AZIN1: variants seen among roughly 807,000 people sequenced by gnomAD.
AZIN1 encodes antizyme inhibitor 1.
AZIN1 carries 12 observed loss-of-function variants against 47.4 expected under a neutral mutation model. The observed-to-expected ratio is 0.25, with a 90% confidence interval of 0.16 to 0.41. AZIN1 has a LOEUF of 0.41. Ranked by LOEUF, AZIN1 falls within the 10% of genes least tolerant of loss-of-function variation. The pLI, the probability that AZIN1 is intolerant of heterozygous loss-of-function variation, is 1.00. For synonymous variants in AZIN1, 155 were observed against 176.3 expected (o/e 0.88, Z 0.96); for missense variants, 410 against 532.4 (o/e 0.77, Z 2.26).
intron 5 of AZIN1, among the ~76,000 whole-genome samples, chr8:102,837,773 A>T (rs950968872): frequency 2.0e-5 from 3 of 152,250 alleles, no homozygotes; most frequent in Non-Finnish European, 1.5e-5. Context: ...TTATAGACAT[A>T]CAAAGAAAAT....
intron 2 of AZIN1, among the ~76,000 whole-genome samples, chr8:102,845,498 C>T (rs980841044): frequency 1.3e-5 from 2 of 152,158 alleles, no homozygotes; most frequent in African/African-American, 4.8e-5. Flanking sequence ...CCTGCACATT[C>T]TCTAAAGACT....
intron 4 of AZIN1, 21 bp downstream of exon 4, chr8:102,839,629 T>TAAAAAAA: frequency 6.7e-7 from 1 of 1,500,982 alleles, no homozygotes; most frequent in Admixed American, 2.2e-5. Context: ...TCAGTTTAGT[T>TAAAAAAA]AAAAAATGAA....
chr8:102,829,951 GA>G lies in AZIN1; in HGVS notation c.905-16del. On this transcript the variant is annotated splice_polypyrimidine_tract_variant and intron_variant, in intron 9 of 11. Transcript: ENST00000337198. ...GGTTTTTTCTACTGGAATAAAACAG[GA>G]AAGGGGAAAATGAATTTTTAATAAA... 1.3e-6 allele frequency: 2 copies of G among 1,484,644 alleles called. No homozygotes were observed. The highest frequency in any genetic ancestry group is 1.9e-6 in the Non-Finnish European group (2 of 1,078,518). The allele number at this position is 1,484,644 out of a possible 1,614,324, so 92.0% of individuals were successfully genotyped here.
intron 1 of AZIN1, among the ~76,000 whole-genome samples, chr8:102,858,535 T>A (rs767409538): frequency 6.6e-6 from 1 of 152,202 alleles, no homozygotes; most frequent in African/African-American, 2.4e-5. Flanking sequence ...CTAGTGTATA[T>A]ACAAGACTTT....
chr8:102,829,494 A>G lies in AZIN1; in HGVS notation c.1021-8T>C. ...CTCATCTTCCTTGTATTTCTGTAGG[A>G]AAAGTTTTACAATTTAATTTTTACT... On this transcript the variant is annotated splice_region_variant and splice_polypyrimidine_tract_variant and intron_variant, in intron 10 of 11. Coordinates refer to ENST00000337198, the MANE Select transcript of AZIN1 (RefSeq NM_148174.4). 1 of 1,591,886 alleles carries G rather than the reference A, an allele frequency of 6.3e-7. No homozygotes were observed. The highest frequency in any genetic ancestry group is 2.2e-5 in the East Asian group (1 of 44,768).
At chr8:102,846,643 C>CT (rs371796046) in intron 2 of AZIN1, among the ~76,000 whole-genome samples, 265 of 148,130 alleles carry the variant, frequency 1.8e-3, no homozygotes, top group Non-Finnish European at 2.5e-3. Context: ...CACAGGACTC[C>CT]TTTTTTTTTT....
intron 9 of AZIN1, 107 bp downstream of exon 9, chr8:102,832,949 A>G: frequency 1.9e-6 from 2 of 1,059,754 alleles, no homozygotes; most frequent in African/African-American, 1.6e-5. Flanking sequence ...CAGTTTTAAG[A>G]TTTTTAAAAG....
At chr8:102,842,684 G>A (rs1391380546) in intron 3 of AZIN1, among the ~76,000 whole-genome samples, 1 of 146,264 alleles carries the variant, frequency 6.8e-6, no homozygotes, top group Admixed American at 6.9e-5. Flanking sequence ...TCCAGCCTGG[G>A]ATACAGAGGG....
chr8:102,829,376 A>G lies in AZIN1; in HGVS notation c.1131T>C (p.Asp377=), dbSNP rs1446095113. 1.2e-6 allele frequency: 2 copies of G among 1,614,088 alleles called. No individual in the cohort carries two copies. The highest frequency in any genetic ancestry group is 1.7e-6 in the Non-Finnish European group (2 of 1,179,942). ...CTCCCATGTTATCAAAGATAAGCCA[A>G]TCTCCCACATTCAGCTCAGGAAGAA... ...SCLLPELNVG[D]WLIFDNMGAD... is the part of the protein sequence containing the mutation. The change falls in exon 11 of 12, where the codon GAT becomes GAC. Residue 377 remains aspartate (D), a synonymous_variant. Transcript: ENST00000337198.
chr8:102,839,867 A>C, intron 3 of AZIN1, 44 bp from the exon 4 acceptor site: 1 of 1,445,186 alleles, frequency 6.9e-7, no homozygotes. Context: ...ACAAAAAACC[A>C]TTGAAAATCA....
At chr8:102,849,251 C>A (rs1812777798) in intron 2 of AZIN1, among the ~76,000 whole-genome samples, 1 of 152,110 alleles carries the variant, frequency 6.6e-6, no homozygotes, top group Non-Finnish European at 1.5e-5. Context: ...TGAGATTGTG[C>A]CACAGCACTC....
At chr8:102,832,733 C>T (rs1265056172) in intron 9 of AZIN1, among the ~76,000 whole-genome samples, 13 of 152,014 alleles carry the variant, frequency 8.6e-5, no homozygotes, top group African/African-American at 2.4e-4. Flanking sequence ...CTCTGCCTCC[C>T]GGATTCAAGC....
At chr8:102,840,615 A>G (rs1377470895) in intron 3 of AZIN1, among the ~76,000 whole-genome samples, 3 of 152,272 alleles carry the variant, frequency 2.0e-5, no homozygotes, top group Admixed American at 1.3e-4. Flanking sequence ...AGCCTGAATA[A>G]GAATAATCTT....
intron 1 of AZIN1, among the ~76,000 whole-genome samples, chr8:102,861,878 A>C (rs1166581583): frequency 1.3e-5 from 2 of 152,104 alleles, no homozygotes; most frequent in Admixed American, 1.3e-4. Flanking sequence ...TTTTCTACTA[A>C]AAATACAAAA....
At chr8:102,861,761 AGCCGGGCGCAGTG>A (rs893858853) in intron 1 of AZIN1, among the ~76,000 whole-genome samples, 4 of 151,896 alleles carry the variant, frequency 2.6e-5, no homozygotes, top group African/African-American at 9.7e-5. Context: ...AATCAAGATC[AGCCGGGCGCAGTG>A]GCTCACGCTT....
chr8:102,848,880 C>T (rs1307186696), intron 2 of AZIN1, among the ~76,000 whole-genome samples: 8 of 152,022 alleles, frequency 5.3e-5, no homozygotes, highest in African/African-American at 4.8e-5. Flanking sequence ...AGTTAATTGG[C>T]GACAATATGT....
intron 1 of AZIN1, among the ~76,000 whole-genome samples, chr8:102,860,493 G>A (rs1813572055): frequency 6.6e-6 from 1 of 152,062 alleles, no homozygotes; most frequent in Admixed American, 6.5e-5. Context: ...TCGAACTCCT[G>A]ACCTTGCGAT....
rs1194487231 is a variant in AZIN1 at position 102,864,133 on chromosome 8, A to C, written c.-560T>G. On this transcript the variant is annotated 5_prime_UTR_variant, in exon 1 of 12. Transcript: ENST00000337198. ...GGCGACGGCAGAAGAAAAAAGGAAA[A>C]ACTGCGGCCGCGATCAGAGCCTGAA... 1.2e-5 allele frequency: 2 copies of C among 170,764 alleles called. No homozygotes were observed. Among genetic ancestry groups the C allele is most frequent in the African/African-American group, 2.4e-5 (1 of 41,536 alleles). The allele number at this position is 170,764 out of a possible 1,614,324, so 10.6% of individuals were successfully genotyped here.
chr8:102,833,289 A>G, intron 8 of AZIN1, 71 bp from the exon 9 acceptor site: 1 of 1,419,212 alleles, frequency 7.0e-7, no homozygotes, highest in South Asian at 1.3e-5. Context: ...AGAGATTGAT[A>G]TTAACAAAAT....
Sources: allele counts gnomAD v4.1 joint callset (sites outside exome capture counted in the v4.1 genomes callset), GRCh38; gene constraint gnomAD v4.1.1; transcripts MANE v1.5; gene names NCBI Gene and HGNC (gene_info 2026-07-23, HGNC 2026-07-21).